ZSCAN25: variants seen among roughly 807,000 people sequenced by gnomAD.
The protein encoded by ZSCAN25 is zinc finger and SCAN domain containing 25, also known as zinc finger and SCAN domain-containing protein 25.
A neutral mutation model predicts 38.7 loss-of-function variants in ZSCAN25; 27 were observed. The observed-to-expected ratio is 0.70, with a 90% CI of 0.51 to 0.96. The LOEUF (loss-of-function observed/expected upper bound fraction) is 0.96. Ranked by LOEUF, ZSCAN25 falls within the 40% of genes least tolerant of loss-of-function variation. ZSCAN25 has a pLI of 0.00. For synonymous variants in ZSCAN25, 273 were observed against 277.7 expected, an observed-to-expected ratio of 0.98 and a Z score of 0.17; for missense variants, 637 against 705.9, an observed-to-expected ratio of 0.90 and a Z score of 1.11.
At chr7:99,717,459 A>T in the ZSCAN25 span, 1 of 1,600,242 alleles carries the variant, frequency 6.2e-7, no homozygotes, top group Middle Eastern at 1.7e-4. Context: ...CTCTGATCTT[A>T]CTTTCTACCT....
the ZSCAN25 span, among the ~76,000 whole-genome samples, chr7:99,665,527 C>A: frequency 6.6e-6 from 1 of 152,184 alleles, no homozygotes; most frequent in African/African-American, 2.4e-5. Flanking sequence ...GATGGAGACA[C>A]CAAGCTGAGT....
the ZSCAN25 span, among the ~76,000 whole-genome samples, chr7:99,704,403 G>C: frequency 1.3e-5 from 2 of 152,004 alleles, no homozygotes; most frequent in Admixed American, 1.3e-4. Flanking sequence ...CAATTCCCCT[G>C]CCTCAGCCTC....
chr7:99,733,455 C>G, the ZSCAN25 span, among the ~76,000 whole-genome samples: 20 of 152,264 alleles, frequency 1.3e-4, no homozygotes, highest in East Asian at 5.8e-4. Flanking sequence ...AATCCATCAT[C>G]TATTGCATGT....
At chr7:99,684,811 A>C in the ZSCAN25 span, 20 of 178,282 alleles carry the variant, frequency 1.1e-4, no homozygotes, top group African/African-American at 4.0e-4. Flanking sequence ...ATTTTGGATG[A>C]AATTATTGAG....
chr7:99,640,175 T>G, the ZSCAN25 span, among the ~76,000 whole-genome samples: 1 of 152,194 alleles, frequency 6.6e-6, no homozygotes, highest in Non-Finnish European at 1.5e-5. Flanking sequence ...ATTGATTGAT[T>G]GAGATGGAGT....
chr7:99,687,106 A>T, the ZSCAN25 span, among the ~76,000 whole-genome samples: 1 of 152,258 alleles, frequency 6.6e-6, no homozygotes, highest in Non-Finnish European at 1.5e-5. Flanking sequence ...AACTCTAAAA[A>T]GCAGAGTGCC....
the ZSCAN25 span, among the ~76,000 whole-genome samples, chr7:99,675,635 T>C: frequency 2.4e-3 from 43 of 17,704 alleles, 4 homozygotes; most frequent in African/African-American, 4.7e-3. Context: ...TTCTCTCCTC[T>C]CCTCTCCTCC....
At chr7:99,711,781 A>AAACAACAAC in the ZSCAN25 span, among the ~76,000 whole-genome samples, 1 of 151,212 alleles carries the variant, frequency 6.6e-6, no homozygotes, top group African/African-American at 2.4e-5. Context: ...AAACAAAACA[A>AAACAACAAC]AACAACAACA....
chr7:99,709,405 T>C, the ZSCAN25 span: 4 of 1,320,554 alleles, frequency 3.0e-6, no homozygotes, highest in Non-Finnish European at 4.2e-6. Flanking sequence ...AGTATTTTAA[T>C]AACTGTCATG....
At chr7:99,663,708 G>A in the ZSCAN25 span, 4 of 1,075,768 alleles carry the variant, frequency 3.7e-6, no homozygotes, top group Non-Finnish European at 3.4e-6. Flanking sequence ...AAGAGAAGTG[G>A]TAAAATTTTA....
At chr7:99,648,892 A>G in the ZSCAN25 span, among the ~76,000 whole-genome samples, 1 of 152,198 alleles carries the variant, frequency 6.6e-6, no homozygotes, top group Non-Finnish European at 1.5e-5. Context: ...ATCAAGTGCA[A>G]TGATGGGAAA....
chr7:99,664,949 G>A, the ZSCAN25 span, among the ~76,000 whole-genome samples: 150,851 of 152,312 alleles, frequency 0.99, 74,701 homozygotes, highest in Middle Eastern at 1. Context: ...GCTTAGGGCA[G>A]TGGGGTTTGT....
the ZSCAN25 span, chr7:99,663,941 C>T: frequency 1.0e-5 from 16 of 1,560,226 alleles, no homozygotes; most frequent in East Asian, 1.1e-4. Flanking sequence ...ACCTAAACAT[C>T]GTCATTTAAC....
the ZSCAN25 span, among the ~76,000 whole-genome samples, chr7:99,697,642 A>T: frequency 6.6e-6 from 1 of 152,294 alleles, no homozygotes; most frequent in East Asian, 1.9e-4. Flanking sequence ...AATGGGTAGC[A>T]CTTAAGGCAG....
chr7:99,642,249 A>G, the ZSCAN25 span, among the ~76,000 whole-genome samples: 1 of 152,258 alleles, frequency 6.6e-6, no homozygotes, highest in Non-Finnish European at 1.5e-5. Context: ...GAAACTGACC[A>G]AAGTGACTCA....
chr7:99,620,798 C>G (rs35486975), intron 4 of ZSCAN25: 2 of 152,278 alleles, frequency 1.3e-5, no homozygotes, highest in African/African-American at 4.8e-5. Flanking sequence ...AGTCAACAGC[C>G]TAGGCTGGAG....
the ZSCAN25 span, among the ~76,000 whole-genome samples, chr7:99,703,239 T>G: frequency 3.9e-5 from 6 of 152,212 alleles, no homozygotes; most frequent in Non-Finnish European, 1.5e-5. Flanking sequence ...AAACATTACT[T>G]GGAAATCATT....
the ZSCAN25 span, chr7:99,714,672 T>C: frequency 6.2e-7 from 1 of 1,612,120 alleles, no homozygotes. Flanking sequence ...GGGTAAGGAA[T>C]GGAAAGACTT....
At chr7:99,704,970 TTAG>T in the ZSCAN25 span, 1 of 154,642 alleles carries the variant, frequency 6.5e-6, no homozygotes, top group Non-Finnish European at 1.4e-5. Context: ...ATCAAAATAT[TTAG>T]TTGTTGGTTC....
Sources: gnomAD v4.1 joint callset for allele counts (sites outside exome capture counted in the v4.1 genomes callset) on GRCh38, gnomAD v4.1.1 for gene constraint, MANE v1.5 for transcripts, NCBI Gene and HGNC (gene_info 2026-07-23, HGNC 2026-07-21) for gene names.